ACSL6: variants seen among roughly 807,000 people sequenced by gnomAD.
ACSL6 encodes the protein acyl-CoA synthetase long chain family member 6.
Under a neutral mutation model 98.2 loss-of-function variants are expected in ACSL6, and 47 were observed. That is an observed-to-expected ratio of 0.48 (90% CI 0.38 to 0.61). ACSL6 has a LOEUF of 0.61. Ranked by LOEUF, ACSL6 falls within the 20% of genes least tolerant of loss-of-function variation. The pLI, the probability that ACSL6 is intolerant of heterozygous loss-of-function variation, is 0.00. For missense variants in ACSL6, 761 were observed against 913.4 expected (o/e 0.83, Z 2.15); for synonymous variants, 362 against 336.9 (o/e 1.07, Z -0.82).
intron 19 of ACSL6, 70 bp downstream of exon 19, chr5:131,960,450 T>G (rs780634477): frequency 9.7e-5 from 128 of 1,321,906 alleles, no homozygotes; most frequent in Non-Finnish European, 1.2e-4. Context: ...CTACAACTTT[T>G]CTGTCTTCTC....
intron 15 of ACSL6, among the ~76,000 whole-genome samples, chr5:131,969,164 A>T (rs1753171868): frequency 6.6e-6 from 1 of 152,216 alleles, no homozygotes. Context: ...CACTCTTTGT[A>T]CTTAAGTTTG....
At chr5:132,008,082 G>A (rs774458823) in intron 1 of ACSL6, among the ~76,000 whole-genome samples, 15 of 152,188 alleles carry the variant, frequency 9.9e-5, no homozygotes, top group African/African-American at 3.1e-4. Flanking sequence ...AAGGTGCTGC[G>A]GGCAAAATCC....
intron 6 of ACSL6, chr5:131,988,456 C>G: frequency 1.3e-6 from 2 of 1,491,640 alleles, no homozygotes; most frequent in Admixed American, 3.6e-5. Flanking sequence ...TCCAAGCTCC[C>G]CTTTGTTCCA....
chr5:131,999,470 GC>G (rs765338198), intron 1 of ACSL6: 1 of 152,086 alleles, frequency 6.6e-6, no homozygotes, highest in African/African-American at 2.4e-5. Context: ...ACTAGAACCA[GC>G]CTCCCTTTAT....
intron 17 of ACSL6, among the ~76,000 whole-genome samples, chr5:131,963,953 C>T (rs1308841301): frequency 6.6e-6 from 1 of 152,216 alleles, no homozygotes; most frequent in Non-Finnish European, 1.5e-5. Context: ...CAAAGCCACA[C>T]AGCTAGAAGT....
chr5:131,993,133 T>C (rs1230299024), intron 2 of ACSL6: 1 of 152,278 alleles, frequency 6.6e-6, no homozygotes, highest in Non-Finnish European at 1.5e-5. Flanking sequence ...CACCTGCACC[T>C]TTGCACATAC....
At chr5:131,966,612 G>C in intron 16 of ACSL6, 80 bp from the exon 17 acceptor site, 1 of 1,260,814 alleles carries the variant, frequency 7.9e-7, no homozygotes, top group Non-Finnish European at 1.2e-6. Context: ...GGCATACGGA[G>C]ATAAGGTGCA....
intron 10 of ACSL6, chr5:131,975,314 C>A (rs1299419394): frequency 1.0e-6 from 1 of 985,298 alleles, no homozygotes; most frequent in Non-Finnish European, 1.2e-6. Context: ...GCAGGGAAGT[C>A]TCCTCTCTGA....
chr5:131,971,622 C>A lies in ACSL6; in HGVS notation c.1362G>T (p.Arg454=). The A allele has an allele frequency of 6.2e-7, 1 of 1,611,360 alleles. No individual in the cohort carries two copies. Among genetic ancestry groups the A allele is most frequent in the Non-Finnish European group, 8.5e-7 (1 of 1,178,464 alleles). ...KIQASLGGCV[R]MIVTGAAPAS... is the part of the protein sequence containing the mutation. ...CTGGGGCTGCTCCAGTAACAATCATCCGCACACACCCACCAAGACTGGCCT... is the reference window on the plus strand; with the variant it reads ...CTGGGGCTGCTCCAGTAACAATCATACGCACACACCCACCAAGACTGGCCT... Residue 454 remains arginine, a synonymous_variant, in exon 14 of 21, where the codon CGG becomes CGT. Coordinates refer to ENST00000651883, the MANE Select transcript of ACSL6 (RefSeq NM_001009185.3).
intron 1 of ACSL6, among the ~76,000 whole-genome samples, chr5:132,005,169 A>G (rs1025730673): frequency 2.6e-5 from 4 of 151,378 alleles, no homozygotes; most frequent in African/African-American, 4.8e-5. Flanking sequence ...AAGAAAAAAG[A>G]AAAAAAAATG....
At position 131,956,409 on chromosome 5, in the gene ACSL6, A is replaced by T. The variant is rs1170841074; in HGVS notation, c.2032-2038T>A. Among the ~76,000 whole-genome samples the T allele has an allele frequency of 7.9e-5, 12 of 152,298 alleles. No individual in the cohort carries two copies. The South Asian group carries it at 2.5e-3, about 32-fold the overall frequency. On this transcript the variant is annotated intron_variant, in intron 20 of 20. Coordinates refer to ENST00000651883, the MANE Select transcript of ACSL6 (RefSeq NM_001009185.3). ...TGTCTATAAAATAGTTCTGCCTGAG[A>T]AGAGGCTATATCATTAAATACAGCC...
chr5:131,985,538 A>G (rs1754133548), intron 8 of ACSL6, 80 bp from the exon 9 acceptor site: 1 of 1,464,394 alleles, frequency 6.8e-7, no homozygotes, highest in African/African-American at 1.4e-5. Flanking sequence ...CTCCCCAACC[A>G]GCCAGGCCCA....
At chr5:131,956,275 T>C (rs1580618655) in intron 20 of ACSL6, among the ~76,000 whole-genome samples, 1 of 152,194 alleles carries the variant, frequency 6.6e-6, no homozygotes, top group Non-Finnish European at 1.5e-5. Context: ...GAAAACATTA[T>C]GATCTTAGGA....
chr5:131,967,596 C>T (rs529653716), intron 16 of ACSL6, among the ~76,000 whole-genome samples: 50 of 151,482 alleles, frequency 3.3e-4, no homozygotes, highest in African/African-American at 1.2e-3. Context: ...ACCTGGGAGG[C>T]GGAGGTTGCA....
intron 5 of ACSL6, 84 bp downstream of exon 5, chr5:131,989,323 A>T: frequency 7.6e-7 from 1 of 1,314,452 alleles, no homozygotes; most frequent in Non-Finnish European, 1.1e-6. Context: ...CCTGGGCCCT[A>T]CAAACAGTGA....
intron 20 of ACSL6, among the ~76,000 whole-genome samples, chr5:131,959,096 T>C (rs1481031533): frequency 6.6e-6 from 1 of 152,090 alleles, no homozygotes; most frequent in East Asian, 1.9e-4. Context: ...TCCTCCTCTT[T>C]ACAGAGGGCA....
At chr5:131,986,356 G>A (rs1453237400) in intron 8 of ACSL6, among the ~76,000 whole-genome samples, 8 of 152,188 alleles carry the variant, frequency 5.3e-5, no homozygotes, top group South Asian at 2.1e-4. Flanking sequence ...CATCCCGGGG[G>A]CAGCTGCCCT....
intron 3 of ACSL6, 44 bp from the exon 4 acceptor site, chr5:131,990,208 T>C: frequency 6.2e-7 from 1 of 1,600,306 alleles, no homozygotes; most frequent in Non-Finnish European, 8.6e-7. Context: ...GGGGTCAGAG[T>C]GGGTGTGCCA....
chr5:131,976,508 A>G, intron 10 of ACSL6, 140 bp downstream of exon 10: 2 of 771,726 alleles, frequency 2.6e-6, no homozygotes, highest in Non-Finnish European at 4.1e-6. Context: ...GAGAACAGAA[A>G]CTCCTGCCTG....
Sources: gnomAD v4.1 joint callset for allele counts (sites outside exome capture counted in the v4.1 genomes callset) on GRCh38, gnomAD v4.1.1 for gene constraint, MANE v1.5 for transcripts, NCBI Gene and HGNC (gene_info 2026-07-23, HGNC 2026-07-21) for gene names.